The following DNMT3B variants were observed in gnomAD, a reference collection of about 807,000 sequenced individuals.
DNMT3B encodes the protein DNA methyltransferase 3 beta, also known as DNA (cytosine-5)-methyltransferase 3B.
DNMT3B carries 37 observed loss-of-function variants against 120.2 expected under a neutral mutation model. The ratio of observed to expected loss-of-function variants is 0.31; its 90% CI spans 0.24 to 0.40. The LOEUF is 0.40. Among genes scored for constraint, DNMT3B ranks in the 10% least tolerant of loss-of-function variants. The probability of loss-of-function intolerance (pLI) is 1.00; values close to 1 mark genes in which losing one functional copy is unlikely to be tolerated. For synonymous variants in DNMT3B, 412 were observed against 442.8 expected (o/e 0.93, Z 0.87); for missense variants, 878 against 1,137.3 (o/e 0.77, Z 3.28).
chr20:32,785,946 T>G (rs6119959), intron 4 of DNMT3B, among the ~76,000 whole-genome samples: 1,713 of 152,098 alleles, frequency 0.011, 32 homozygotes, highest in African/African-American at 0.039. Flanking sequence ...TGCAGTGACG[T>G]GATCTCAGCA....
chr20:32,805,336 A>G lies in DNMT3B; in HGVS notation c.2232-2A>G. The G allele has an allele frequency of 6.2e-7, 1 of 1,614,192 alleles. No individual in the cohort carries two copies. Among genetic ancestry groups the G allele is most frequent in the Non-Finnish European group, 8.5e-7 (1 of 1,180,018 alleles). On this transcript the variant is annotated splice_acceptor_variant, in intron 20 of 22. Coordinates refer to ENST00000328111, the MANE Select transcript of DNMT3B (RefSeq NM_006892.4). LOFTEE classifies it high-confidence loss of function. ...GAAGTAATGGGTTTTGGCTGTTCCC[A>G]GGCCCGTGATAGCATCAAAGAATGA... is the stretch of plus-strand genomic sequence containing the variant.
chr20:32,773,339 A>G (rs916672927), intron 1 of DNMT3B, among the ~76,000 whole-genome samples: 7 of 152,194 alleles, frequency 4.6e-5, no homozygotes, highest in African/African-American at 1.7e-4. Context: ...CTTCTACTGT[A>G]GGATGACAGT....
At chr20:32,795,264 CA>C in intron 10 of DNMT3B, 144 bp from the exon 11 acceptor site, 1 of 1,270,550 alleles carries the variant, frequency 7.9e-7, no homozygotes, top group South Asian at 1.2e-5. Flanking sequence ...AGTTGCCCAT[CA>C]AGGGGCCATA....
chr20:32,794,529 T>G lies in DNMT3B; in HGVS notation c.1127-880T>G, dbSNP rs144510879. Among the ~76,000 whole-genome samples the G allele has an allele frequency of 2.3e-3, 342 of 151,860 alleles. 3 individuals carry two copies. Among genetic ancestry groups the G allele is most frequent in the African/African-American group, 7.8e-3 (323 of 41,386 alleles). ...CCCCGTCTCTACTAAAATACAAAAA[T>G]TAGCCAGGTGTGGTGCTGCATGCCT... is the stretch of plus-strand genomic sequence containing the variant. On this transcript the variant is annotated intron_variant, in intron 10 of 22. Coordinates refer to ENST00000328111, the MANE Select transcript of DNMT3B (RefSeq NM_006892.4).
intron 1 of DNMT3B, among the ~76,000 whole-genome samples, chr20:32,771,020 C>T (rs967499651): frequency 6.6e-6 from 1 of 152,194 alleles, no homozygotes; most frequent in African/African-American, 2.4e-5. Flanking sequence ...GCTGGGGTTA[C>T]AGGCATGAGC....
intron 1 of DNMT3B, among the ~76,000 whole-genome samples, chr20:32,772,376 G>A (rs936875980): frequency 6.0e-5 from 9 of 151,112 alleles, no homozygotes; most frequent in African/African-American, 2.2e-4. Context: ...GAGATTTAAG[G>A]CGTTCTTAGT....
Position 32,805,394 on chromosome 20 carries a change from A to G in DNMT3B, c.2288A>G (p.Asn763Ser). The change falls in exon 21 of 23, where the codon AAT becomes AGT. Residue 763 changes from asparagine (N) to serine (S), a missense_variant. By Grantham distance (46) the Asn-to-Ser change is conservative (BLOSUM62 1). This residue lies in a region of DNMT3B where 334 missense variants were observed against 518.8 expected (regional missense o/e 0.64). Coordinates refer to ENST00000328111, the MANE Select transcript of DNMT3B (RefSeq NM_006892.4). The stretch of plus-strand genomic sequence containing the variant: ...GAGCTGCAGGACTGCTTGGAATACA[A>G]TAGGATAGCCAAGGTAAGACGAGCT... ...KLELQDCLEY[N>S]RIAKLKKVQT... 6.2e-7 allele frequency: 1 copy of G among 1,614,078 alleles called. No homozygotes were observed. The highest frequency in any genetic ancestry group is 8.5e-7 in the Non-Finnish European group (1 of 1,180,004).
intron 1 of DNMT3B, among the ~76,000 whole-genome samples, chr20:32,762,973 T>C (rs1055735137): frequency 1.3e-5 from 2 of 152,000 alleles, no homozygotes; most frequent in African/African-American, 4.8e-5. Context: ...ACGCGTCTGC[T>C]GCCTCCAGGA....
chr20:32,778,549 G>A (rs1256381388), intron 1 of DNMT3B, among the ~76,000 whole-genome samples: 1 of 152,208 alleles, frequency 6.6e-6, no homozygotes, highest in Non-Finnish European at 1.5e-5. Flanking sequence ...CCATGGGCAG[G>A]TGCAGGGTCT....
Position 32,798,466 on chromosome 20 carries a change from CTG to C in DNMT3B, c.1502_1503del (p.Val501GlyfsTer52). On this transcript the variant is annotated frameshift_variant, in exon 15 of 23. Coordinates refer to ENST00000328111, the MANE Select transcript of DNMT3B (RefSeq NM_006892.4). LOFTEE classifies it high-confidence loss of function. ...TCCCTGCCACTGGGTCCAGGTGTTTCTGTGTGGAGTGCCTGGAGGTGCTGGTG... is the reference window on the plus strand; with the variant it reads ...TCCCTGCCACTGGGTCCAGGTGTTTCTGTGGAGTGCCTGGAGGTGCTGGTG... The part of the protein sequence containing the change: ...CSNTSCCRCF[C>X]VECLEVLVGT... 6.2e-7 allele frequency: 1 copy of C among 1,614,212 alleles called. No individual in the cohort carries two copies. The highest frequency in any genetic ancestry group is 1.7e-5 in the Admixed American group (1 of 60,032).
intron 22 of DNMT3B, among the ~76,000 whole-genome samples, chr20:32,807,004 T>G (rs1401107399): frequency 6.6e-6 from 1 of 152,222 alleles, no homozygotes; most frequent in Admixed American, 6.5e-5. Flanking sequence ...TTTCTGAGTA[T>G]AAAAGTAACT....
intron 7 of DNMT3B, 123 bp from the exon 8 acceptor site, chr20:32,791,478 C>A: frequency 1.1e-6 from 1 of 935,518 alleles, no homozygotes; most frequent in East Asian, 2.6e-5. Flanking sequence ...GGACTTTATC[C>A]CCAGGAATGG....
intron 3 of DNMT3B, among the ~76,000 whole-genome samples, chr20:32,782,363 G>A (rs1182655047): frequency 6.6e-6 from 1 of 152,178 alleles, no homozygotes; most frequent in Non-Finnish European, 1.5e-5. Context: ...GGTTTCTACT[G>A]AAAACTATAA....
chr20:32,801,551 C>T, intron 19 of DNMT3B, 125 bp downstream of exon 19: 1 of 1,297,444 alleles, frequency 7.7e-7, no homozygotes, highest in Non-Finnish European at 1.1e-6. Context: ...TGGCTAGATC[C>T]AATAGTGAGG....
At chr20:32,773,135 G>A (rs948049850) in intron 1 of DNMT3B, among the ~76,000 whole-genome samples, 1 of 148,996 alleles carries the variant, frequency 6.7e-6, no homozygotes, top group Non-Finnish European at 1.5e-5. Flanking sequence ...TTTTTTGAGA[G>A]GGAGCCTGAG....
intron 3 of DNMT3B, among the ~76,000 whole-genome samples, chr20:32,783,702 C>A (rs1385030666): frequency 6.6e-6 from 1 of 151,972 alleles, no homozygotes; most frequent in Non-Finnish European, 1.5e-5. Flanking sequence ...GTAATGAAAT[C>A]TCTTGCCCAC....
rs1208508674 is a variant in DNMT3B, at chr20:32,765,750, C to CTTT, written c.-7+3056_-7+3058dup. 6.9e-4 allele frequency among the ~76,000 whole-genome samples: 75 copies of CTTT among 108,446 alleles called. 12 individuals are homozygous for CTTT. Among genetic ancestry groups the CTTT allele is most frequent in the East Asian group, 3.2e-3 (10 of 3,116 alleles). The allele number at this position is 108,446 out of a possible 152,430, so 71.1% of individuals were successfully genotyped here. A position where few individuals can be genotyped will look rare whatever the true frequency, so the allele number is the denominator to read the frequency against. ...TTATTTATTTATTTATTTATTTTTTCTTTTTTTCTTTTTTTTTTTTTTTGA... is the reference window on the plus strand; with the variant it reads ...TTATTTATTTATTTATTTATTTTTTCTTTTTTTTTTCTTTTTTTTTTTTTTTGA... On this transcript the variant is annotated intron_variant, in intron 1 of 22. Transcript: ENST00000328111.
In DNMT3B at chr20:32,793,556, C is replaced by T. The variant is rs113400552; in HGVS notation, c.1087C>T (p.Arg363Cys). 53 of 1,613,994 alleles carry T rather than the reference C, an allele frequency of 3.3e-5. No individual in the cohort carries two copies. The highest frequency in any genetic ancestry group is 4.5e-5 in the East Asian group (2 of 44,900). Reference protein sequence around the residue: ...TQPVVNKSKVRRAGSRKLESR... With the variant: ...TQPVVNKSKVCRAGSRKLESR... ...AAAAGTGGTTAATAAGTCGAAGGTG[C>T]GTCGTGCAGGCAGTAGGAAATTAGA... is the stretch of plus-strand genomic sequence containing the variant. The change falls in exon 10 of 23, where the codon CGT becomes TGT. Residue 363 changes from arginine to cysteine, a missense_variant. Physicochemically the swap from Arg to Cys is radical, Grantham distance 180. Transcript: ENST00000328111.
intron 12 of DNMT3B, 119 bp from the exon 13 acceptor site, chr20:32,796,671 A>G: frequency 3.7e-6 from 4 of 1,093,308 alleles, no homozygotes; most frequent in South Asian, 1.3e-5. Context: ...CTGAGGTGCA[A>G]AGAGTCCTTG....
Sources: allele counts gnomAD v4.1 joint callset (sites outside exome capture counted in the v4.1 genomes callset), GRCh38; gene constraint gnomAD v4.1.1; regional missense constraint gnomAD v4.1.1; transcripts MANE v1.5; gene names NCBI Gene and HGNC (gene_info 2026-07-23, HGNC 2026-07-21).